Variants in BMERB1 observed in about 807,000 individuals in gnomAD.
BMERB1 encodes the protein bMERB domain-containing protein 1.
In BMERB1, 12 loss-of-function variants were observed where a neutral mutation model predicts 23.6. The ratio of observed to expected loss-of-function variants is 0.51; its 90% CI spans 0.33 to 0.82. The LOEUF is 0.82. Ranked by LOEUF, BMERB1 falls within the 40% of genes least tolerant of loss-of-function variation. The pLI, the probability that BMERB1 is intolerant of heterozygous loss-of-function variation, is 0.03. For synonymous variants in BMERB1, 122 were observed against 96.6 expected, an observed-to-expected ratio of 1.26 and a Z score of -1.54; for missense variants, 247 against 255.4, an observed-to-expected ratio of 0.97 and a Z score of 0.22.
intron 1 of BMERB1, among the ~76,000 whole-genome samples, chr16:15,495,994 ATGGTGG>A (rs561637981): frequency 5.0e-4 from 75 of 151,390 alleles, no homozygotes; most frequent in African/African-American, 1.7e-3. Flanking sequence ...AGTGATGTTG[ATGGTGG>A]TGGTGGTGGT....
chr16:15,493,284 G>A (rs1364443824), intron 1 of BMERB1, among the ~76,000 whole-genome samples: 4 of 152,126 alleles, frequency 2.6e-5, no homozygotes, highest in Admixed American at 2.0e-4. Flanking sequence ...CCCAGGAGGC[G>A]GAGGTTGCAG....
chr16:15,471,394 A>G (rs918407814), intron 1 of BMERB1, among the ~76,000 whole-genome samples: 1 of 152,182 alleles, frequency 6.6e-6, no homozygotes, highest in Admixed American at 6.5e-5. Context: ...ATTTTCCTTA[A>G]TGGTTTTAGA....
intron 1 of BMERB1, among the ~76,000 whole-genome samples, chr16:15,494,964 A>G (rs1288976408): frequency 2.9e-5 from 4 of 139,166 alleles, no homozygotes; most frequent in Admixed American, 1.5e-4. Context: ...GCTCACTGCA[A>G]TCTCTGCCTC....
intron 1 of BMERB1, among the ~76,000 whole-genome samples, chr16:15,437,227 G>T (rs2050895920): frequency 1.3e-5 from 2 of 152,278 alleles, no homozygotes; most frequent in Middle Eastern, 6.8e-3. Context: ...TTAAAAAAAT[G>T]CTGGGTCCAC....
chr16:15,565,120 C>A (rs1161300013), intron 2 of BMERB1, among the ~76,000 whole-genome samples: 1 of 151,550 alleles, frequency 6.6e-6, no homozygotes, highest in Non-Finnish European at 1.5e-5. Flanking sequence ...TAAGATAGGG[C>A]CCCATGCTGG....
chr16:15,527,629 AGT>A (rs1469616605), intron 2 of BMERB1, among the ~76,000 whole-genome samples: 4 of 152,202 alleles, frequency 2.6e-5, no homozygotes, highest in African/African-American at 9.6e-5. Flanking sequence ...AAAAAAAAGA[AGT>A]GGAATCACAC....
intron 1 of BMERB1, among the ~76,000 whole-genome samples, chr16:15,506,302 A>C (rs144481105): frequency 0.018 from 2,671 of 151,876 alleles, 81 homozygotes; most frequent in African/African-American, 0.061. Flanking sequence ...CAGCCTCCCA[A>C]GTAGCTGGGA....
chr16:15,538,104 G>A (rs1018917253), intron 2 of BMERB1, among the ~76,000 whole-genome samples: 4 of 152,198 alleles, frequency 2.6e-5, no homozygotes, highest in Non-Finnish European at 4.4e-5. Context: ...GACATCTTGA[G>A]TCGATAGGAG....
rs751318649 is a variant in BMERB1 at position 15,583,162 on chromosome 16, A to G, written c.426A>G (p.Gln142=). ...DDAEVERLRE[Q]EEDKEMADFL... ...TACCCATCTACTTTCACAGGGAGCA[A>G]GAAGAAGACAAGGAAATGGCTGATT... Residue 142 remains glutamine (Q), a synonymous_variant, in exon 5 of 6, where the codon CAA becomes CAG. Coordinates refer to ENST00000300006, the MANE Select transcript of BMERB1 (RefSeq NM_033201.3). The G allele has an allele frequency of 1.5e-5, 24 of 1,612,316 alleles. No individual in the cohort carries two copies. Among genetic ancestry groups the G allele is most frequent in the Non-Finnish European group, 2.0e-5 (23 of 1,178,470 alleles).
chr16:15,466,785 A>C lies in BMERB1; in HGVS notation c.106+32026A>C, dbSNP rs557728073. ...ATCATATATTTAGATTTGTGTGACTATCAACAAAGTCAAGATACAGAACAG... is the reference window on the plus strand; with the variant it reads ...ATCATATATTTAGATTTGTGTGACTCTCAACAAAGTCAAGATACAGAACAG... On this transcript the variant is annotated intron_variant, in intron 1 of 5. Transcript: ENST00000300006. Among the ~76,000 whole-genome samples, 6 of 152,082 alleles carry C rather than the reference A, an allele frequency of 3.9e-5. No homozygotes were observed. In the East Asian group the frequency reaches 1.2e-3, roughly 29 times the overall value.
intron 1 of BMERB1, among the ~76,000 whole-genome samples, chr16:15,465,529 T>G (rs2051173911): frequency 6.6e-6 from 1 of 151,914 alleles, no homozygotes; most frequent in South Asian, 2.1e-4. Context: ...ATTTTTGTAT[T>G]TTTAGTAGAG....
intron 3 of BMERB1, among the ~76,000 whole-genome samples, chr16:15,580,469 A>C (rs1424533304): frequency 1.3e-5 from 2 of 151,894 alleles, no homozygotes; most frequent in Non-Finnish European, 2.9e-5. Flanking sequence ...TGAAGAGGTC[A>C]AGTTGCTTCT....
intron 2 of BMERB1, among the ~76,000 whole-genome samples, chr16:15,563,207 C>T (rs996270568): frequency 2.0e-5 from 3 of 152,084 alleles, no homozygotes; most frequent in African/African-American, 7.2e-5. Flanking sequence ...CATGGTGTAA[C>T]TCTATCTCTA....
Position 15,466,718 on chromosome 16 carries a change from G to T in BMERB1, c.106+31959G>T, listed in dbSNP as rs545801880. Among the ~76,000 whole-genome samples, 3 of 29,792 alleles carry T rather than the reference G, an allele frequency of 1.0e-4. No individual in the cohort carries two copies. The South Asian group carries it at 0.024, about 240-fold the overall frequency. 19.5% of individuals were successfully genotyped at this position (29,792 alleles called of 152,430 possible). ...CAGATTTCACCAGATTTATGTGTGT[G>T]TCTGTGTGTGTGTGTGTGTGTATTT... is the stretch of plus-strand genomic sequence containing the variant. On this transcript the variant is annotated intron_variant, in intron 1 of 5. Coordinates refer to ENST00000300006, the MANE Select transcript of BMERB1 (RefSeq NM_033201.3).
intron 2 of BMERB1, among the ~76,000 whole-genome samples, chr16:15,544,347 C>T (rs1348964099): frequency 1.3e-5 from 2 of 152,178 alleles, no homozygotes; most frequent in African/African-American, 4.8e-5. Flanking sequence ...TCAGCATGAT[C>T]TTAATAATGC....
intron 1 of BMERB1, among the ~76,000 whole-genome samples, chr16:15,465,070 G>T (rs949256710): frequency 6.6e-6 from 1 of 152,012 alleles, no homozygotes; most frequent in Non-Finnish European, 1.5e-5. Flanking sequence ...TGGGGTGGTT[G>T]GTTACCTGAA....
At chr16:15,482,526 G>A (rs1309803221) in intron 1 of BMERB1, among the ~76,000 whole-genome samples, 2 of 152,062 alleles carry the variant, frequency 1.3e-5, no homozygotes, top group Non-Finnish European at 2.9e-5. Flanking sequence ...TGAGTTGGAG[G>A]CAGCAGCTGG....
intron 1 of BMERB1, among the ~76,000 whole-genome samples, chr16:15,500,373 C>A (rs546357569): frequency 6.6e-6 from 1 of 152,136 alleles, no homozygotes; most frequent in African/African-American, 2.4e-5. Flanking sequence ...CCAGGTTGAA[C>A]GTGCTGAGGC....
chr16:15,496,445 G>A (rs1437480411), intron 1 of BMERB1, among the ~76,000 whole-genome samples: 3 of 152,054 alleles, frequency 2.0e-5, no homozygotes, highest in African/African-American at 7.2e-5. Flanking sequence ...CTGAGGATTG[G>A]GAAAGTTACA....
Sources: allele counts gnomAD v4.1 joint callset (sites outside exome capture counted in the v4.1 genomes callset), GRCh38; gene constraint gnomAD v4.1.1; transcripts MANE v1.5; gene names NCBI Gene and HGNC (gene_info 2026-07-23, HGNC 2026-07-21).